The following PLS3 variants were observed in gnomAD, a reference collection of about 807,000 sequenced individuals.
PLS3 encodes the protein plastin-3.
PLS3 carries 11 observed loss-of-function variants against 46.5 expected under a neutral mutation model. That is an observed-to-expected ratio of 0.24 (90% CI 0.15 to 0.39). The LOEUF (loss-of-function observed/expected upper bound fraction) is 0.39, where lower values mean the gene tolerates loss of function less well. Among genes scored for constraint, PLS3 ranks in the 10% least tolerant of loss-of-function variants. The probability of loss-of-function intolerance (pLI) is 1.00; values close to 1 mark genes in which losing one functional copy is unlikely to be tolerated. For missense variants in PLS3, 308 were observed against 461.8 expected, an observed-to-expected ratio of 0.67 and a Z score of 3.05; for synonymous variants, 167 against 162.2, an observed-to-expected ratio of 1.03 and a Z score of -0.22.
chrX:115,582,352 C>CT (rs782078928), intron 1 of PLS3, among the ~76,000 whole-genome samples: 24 of 111,990 alleles, frequency 2.1e-4, no homozygotes, highest in African/African-American at 7.5e-4. Context: ...TATGATGAGA[C>CT]TTTAGCTGTA....
chrX:115,629,905 T>C lies in PLS3; in HGVS notation c.438T>C (p.Val146=). 5.1e-6 allele frequency: 6 copies of C among 1,170,807 alleles called. No individual in the cohort carries two copies. Among genetic ancestry groups the C allele is most frequent in the Non-Finnish European group, 7.0e-6 (6 of 860,027 alleles). The change falls in exon 5 of 16, where the codon GTT becomes GTC. Residue 146 remains valine (V), a synonymous_variant. Transcript: ENST00000355899. ...AAAATGATCCTGATTGTAGACATGT[T>C]ATACCAATGAACCCTAACACCGATG... is the stretch of plus-strand genomic sequence containing the variant. The part of the protein sequence containing the change: ...ALENDPDCRH[V]IPMNPNTDDL...
At chrX:115,644,904 A>G in intron 10 of PLS3, 117 bp from the exon 11 acceptor site, 1 of 470,240 alleles carries the variant, frequency 2.1e-6, no homozygotes, top group Non-Finnish European at 3.6e-6. Flanking sequence ...AACTCGTATT[A>G]TCGAAAAATT....
intron 7 of PLS3, among the ~76,000 whole-genome samples, chrX:115,635,650 C>CAAAAAAA (rs10606256): frequency 1.4e-4 from 3 of 21,910 alleles, no homozygotes; most frequent in African/African-American, 2.1e-4. Flanking sequence ...GACTCTGTCT[C>CAAAAAAA]AAAAAAAAAA....
At chrX:115,619,178 T>G (rs1028728809) in intron 2 of PLS3, among the ~76,000 whole-genome samples, 2 of 111,941 alleles carry the variant, frequency 1.8e-5, no homozygotes, top group Non-Finnish European at 3.8e-5. Flanking sequence ...AAAAGGAACT[T>G]TAGAGATTAT....
In PLS3 at chrX:115,573,985, T is replaced by G. The variant is rs782397978; in HGVS notation, c.-9+12725T>G. 1.2e-3 allele frequency among the ~76,000 whole-genome samples: 139 copies of G among 111,386 alleles called. 1 individual carries two copies. The highest frequency in any genetic ancestry group is 2.3e-3 in the Non-Finnish European group (124 of 53,099). On this transcript the variant is annotated intron_variant, in intron 1 of 15. Coordinates refer to ENST00000355899, the MANE Select transcript of PLS3 (RefSeq NM_005032.7). ...TCGCAAAGTGCTGGGATTACAGGCA[T>G]GAGCCACCTTGCCTGTCCCATTGTC...
At chrX:115,565,923 A>G (rs186007274) in intron 1 of PLS3, among the ~76,000 whole-genome samples, 2 of 112,320 alleles carry the variant, frequency 1.8e-5, no homozygotes, top group African/African-American at 6.5e-5. Flanking sequence ...TTATTGGAAA[A>G]GCATTGAGCA....
chrX:115,647,012 T>G (rs2074958443), intron 13 of PLS3, among the ~76,000 whole-genome samples: 1 of 111,969 alleles, frequency 8.9e-6, no homozygotes, highest in Admixed American at 9.6e-5. Flanking sequence ...ACCTGCTCAT[T>G]AAAGCACTGT....
intron 1 of PLS3, among the ~76,000 whole-genome samples, chrX:115,570,957 G>A (rs1180414303): frequency 1.5e-4 from 15 of 99,508 alleles, no homozygotes; most frequent in Non-Finnish European, 2.2e-4. Context: ...GTGCAGTGGC[G>A]CGATCTCAGC....
intron 2 of PLS3, among the ~76,000 whole-genome samples, chrX:115,621,537 T>G (rs1442902330): frequency 9.0e-6 from 1 of 111,655 alleles, no homozygotes; most frequent in Non-Finnish European, 1.9e-5. Context: ...AATTAACTTT[T>G]GGTCATTGAT....
chrX:115,581,992 A>G (rs1205137513), intron 1 of PLS3, among the ~76,000 whole-genome samples: 2 of 112,347 alleles, frequency 1.8e-5, no homozygotes, highest in African/African-American at 6.5e-5. Context: ...AGGTAATGCA[A>G]AACTATAATT....
At chrX:115,580,139 C>T (rs781879255) in intron 1 of PLS3, among the ~76,000 whole-genome samples, 19 of 112,190 alleles carry the variant, frequency 1.7e-4, no homozygotes, top group South Asian at 3.7e-4. Context: ...ATTTTCTCCT[C>T]GCCTGTAGCT....
chrX:115,594,644 C>CCT lies in PLS3; in HGVS notation c.-8-15575_-8-15574dup, dbSNP rs782282497. Among the ~76,000 whole-genome samples, 194 of 96,526 alleles carry CCT rather than the reference C, an allele frequency of 2.0e-3. 1 individual carries two copies. The highest frequency in any genetic ancestry group is 3.3e-3 in the South Asian group (7 of 2,120). The allele number at this position is 96,526 out of a possible 115,157, so 83.8% of individuals were successfully genotyped here. A position where few individuals can be genotyped will look rare whatever the true frequency, so the allele number is the denominator to read the frequency against. On this transcript the variant is annotated intron_variant, in intron 1 of 15. Coordinates refer to ENST00000355899, the MANE Select transcript of PLS3 (RefSeq NM_005032.7). ...TAGCCTCTCTCTCTCTCTCTCCCTC[C>CCT]CTCTCTCTCTCTCTCTCTCTCTCTC... is the stretch of plus-strand genomic sequence containing the variant.
chrX:115,621,551 GT>G (rs1326359820), intron 2 of PLS3, among the ~76,000 whole-genome samples: 2 of 107,199 alleles, frequency 1.9e-5, no homozygotes, highest in African/African-American at 3.4e-5. Context: ...CATTGATCAG[GT>G]TTTTTTTTTC....
chrX:115,615,614 G>T (rs969071840), intron 2 of PLS3, among the ~76,000 whole-genome samples: 1 of 109,260 alleles, frequency 9.2e-6, no homozygotes, highest in Non-Finnish European at 1.9e-5. Context: ...GTCTGGTGCA[G>T]CACTGGGAGC....
At chrX:115,632,124 A>T (rs1263552392) in intron 5 of PLS3, among the ~76,000 whole-genome samples, 1 of 111,368 alleles carries the variant, frequency 9.0e-6, no homozygotes, top group Non-Finnish European at 1.9e-5. Context: ...TTTAATATAG[A>T]GAGAAGACTG....
In PLS3 at chrX:115,649,731, A is replaced by C; in HGVS notation, c.*170A>C. The C allele has an allele frequency of 2.7e-6, 1 of 377,000 alleles. No individual in the cohort carries two copies. 31.1% of individuals were successfully genotyped at this position (377,000 alleles called of 1,213,427 possible). On this transcript the variant is annotated 3_prime_UTR_variant, in exon 16 of 16. Coordinates refer to ENST00000355899, the MANE Select transcript of PLS3 (RefSeq NM_005032.7). ...GAGCCCTCAGGGGAAAGGGTTTAAG[A>C]AAAACAACTCCTCTTTCCCATAGTC...
At chrX:115,603,739 C>T (rs782448548) in intron 1 of PLS3, among the ~76,000 whole-genome samples, 2 of 110,747 alleles carry the variant, frequency 1.8e-5, no homozygotes, top group African/African-American at 6.6e-5. Flanking sequence ...TGCACCACTG[C>T]CTGGGTGACA....
rs782519178 is a variant in PLS3 at position 115,636,396 on chromosome X, T to C, written c.749-440T>C. On this transcript the variant is annotated intron_variant, in intron 7 of 15. Coordinates refer to ENST00000355899, the MANE Select transcript of PLS3 (RefSeq NM_005032.7). ...TAATTTTTTGAATTTTTAGTAGAGA[T>C]GGGGTTTCAGCGTGTTAGCCAGGAT... Among the ~76,000 whole-genome samples the C allele has an allele frequency of 1.7e-4, 19 of 110,359 alleles. No individual in the cohort carries two copies. In the South Asian group the frequency reaches 6.7e-3, roughly 39 times the overall value.
At chrX:115,587,995 T>C (rs1380191632) in intron 1 of PLS3, among the ~76,000 whole-genome samples, 2 of 112,071 alleles carry the variant, frequency 1.8e-5, no homozygotes, top group African/African-American at 6.5e-5. Flanking sequence ...GACAGTATAA[T>C]TAATGAAAAT....
Sources: gnomAD v4.1 joint callset for allele counts (sites outside exome capture counted in the v4.1 genomes callset) on GRCh38, gnomAD v4.1.1 for gene constraint, MANE v1.5 for transcripts, NCBI Gene and HGNC (gene_info 2026-07-23, HGNC 2026-07-21) for gene names.